ZNF185: variants seen among roughly 807,000 people sequenced by gnomAD.
ZNF185 encodes the protein zinc finger protein 185.
Under a neutral mutation model 58.6 loss-of-function variants are expected in ZNF185, and 56 were observed. That is an observed-to-expected ratio of 0.95 (90% CI 0.77 to 1.19). The LOEUF (loss-of-function observed/expected upper bound fraction) is 1.19, where lower values mean the gene tolerates loss of function less well. Among genes scored for constraint, ZNF185 ranks in the 50% most tolerant of loss-of-function variants. The pLI, the probability that ZNF185 is intolerant of heterozygous loss-of-function variation, is 0.00. For synonymous variants in ZNF185, 230 were observed against 215.9 expected, an observed-to-expected ratio of 1.07 and a Z score of -0.57; for missense variants, 627 against 573.5, an observed-to-expected ratio of 1.09 and a Z score of -0.95.
chrX:152,913,867 A>T (rs782006670), upstream of ZNF185, among the ~76,000 whole-genome samples: 3 of 109,720 alleles, frequency 2.7e-5, no homozygotes, highest in South Asian at 1.2e-3. Flanking sequence ...GAAAGGTAGA[A>T]TTTTTTTTTT....
Position 152,945,407 on chromosome X carries a change from G to A in ZNF185, c.1352G>A (p.Arg451Gln), listed in dbSNP as rs782341123. The A allele has an allele frequency of 1.9e-5, 23 of 1,207,705 alleles. No individual in the cohort carries two copies. Among genetic ancestry groups the A allele is most frequent in the Admixed American group, 1.3e-4 (6 of 45,608 alleles). Reference sequence around the variant, plus strand: ...CCTGCAGATCCCAGCACCCCAGAGCGGCAGAGCAGCCCCAGCGGATCTGAG... The same window carrying A: ...CCTGCAGATCCCAGCACCCCAGAGCAGCAGAGCAGCCCCAGCGGATCTGAG... The change falls in exon 16 of 23, where the codon CGG (arginine) becomes CAG (glutamine). Residue 451 changes from arginine to glutamine, a missense_variant. Physicochemically the swap from Arg to Gln is conservative, Grantham distance 43 (BLOSUM62 1). Transcript: ENST00000449285.
chrX:152,908,722 C>T, the ZNF185 span, among the ~76,000 whole-genome samples: 183 of 113,285 alleles, frequency 1.6e-3, 1 homozygote, highest in Non-Finnish European at 2.7e-3. Flanking sequence ...CACTCGAGGC[C>T]GTCGTGCATG....
exon 17 of ZNF185, chrX:152,959,720 G>T: frequency 8.3e-7 from 1 of 1,211,499 alleles, no homozygotes; most frequent in Non-Finnish European, 1.1e-6. Flanking sequence ...ATTTTGAGGG[G>T]AAGGATGTGG....
intron 15 of ZNF185, chrX:152,941,935 G>A: frequency 9.9e-7 from 1 of 1,008,863 alleles, no homozygotes; most frequent in Non-Finnish European, 1.3e-6. Context: ...GGGCCCCTGC[G>A]GCTTGAGCTT....
intron 14 of ZNF185, chrX:152,936,495 C>T: frequency 1.7e-6 from 2 of 1,166,504 alleles, no homozygotes; most frequent in Non-Finnish European, 2.3e-6. Context: ...TCCTGCAAGC[C>T]TAGACCAGCA....
chrX:152,938,836 G>C (rs368929337), intron 15 of ZNF185, among the ~76,000 whole-genome samples: 3 of 90,877 alleles, frequency 3.3e-5, no homozygotes, highest in Non-Finnish European at 6.9e-5. Context: ...AGCCGCAGCT[G>C]AGATAGAGTG....
intron 15 of ZNF185, among the ~76,000 whole-genome samples, chrX:152,939,851 C>T (rs1439590589): frequency 2.1e-5 from 2 of 95,570 alleles, no homozygotes; most frequent in Non-Finnish European, 4.0e-5. Flanking sequence ...GGCGCAATCT[C>T]GACTCACTGC....
chrX:152,899,454 T>C, the ZNF185 span, among the ~76,000 whole-genome samples: 2 of 112,968 alleles, frequency 1.8e-5, no homozygotes, highest in Non-Finnish European at 3.7e-5. Flanking sequence ...GTTCCCCTCA[T>C]CGCTCCCAGG....
chrX:152,937,262 T>C (rs1185229179), intron 14 of ZNF185, among the ~76,000 whole-genome samples: 1 of 111,750 alleles, frequency 8.9e-6, no homozygotes, highest in African/African-American at 3.3e-5. Flanking sequence ...AAATGAGACA[T>C]GGCTTTACTC....
chrX:152,972,401 G>A (rs923960327), exon 23 of ZNF185: 10 of 110,742 alleles, frequency 9.0e-5, no homozygotes, highest in Non-Finnish European at 1.5e-4. Context: ...GCAAAGAGCA[G>A]AAGGTGTGAA....
chrX:152,903,775 C>T, the ZNF185 span, among the ~76,000 whole-genome samples: 2,076 of 111,517 alleles, frequency 0.019, 44 homozygotes, highest in Middle Eastern at 0.041. Context: ...AGAAAATGGG[C>T]GCATGAAAGC....
chrX:152,900,620 G>C, the ZNF185 span, among the ~76,000 whole-genome samples: 1 of 112,689 alleles, frequency 8.9e-6, no homozygotes, highest in Non-Finnish European at 1.9e-5. Context: ...ATAGTGAACC[G>C]GCTGATGCCA....
chrX:152,922,676 G>A, intron 10 of ZNF185, 44 bp from the exon 12 acceptor site: 1 of 1,123,959 alleles, frequency 8.9e-7, no homozygotes, highest in Non-Finnish European at 1.2e-6. Context: ...CAGGGAGGAG[G>A]CTCTGACATC....
chrX:152,930,381 T>C (rs1941723284), intron 12 of ZNF185, among the ~76,000 whole-genome samples: 1 of 112,220 alleles, frequency 8.9e-6, no homozygotes, highest in Non-Finnish European at 1.9e-5. Flanking sequence ...CCACGTTATA[T>C]GCAGACAGAA....
intron 11 of ZNF185, among the ~76,000 whole-genome samples, chrX:152,926,285 T>C (rs1317256563): frequency 8.0e-5 from 9 of 112,752 alleles, no homozygotes; most frequent in African/African-American, 2.9e-4. Flanking sequence ...TTCCCAAGGC[T>C]GTCCCAAATG....
intron 13 of ZNF185, 88 bp downstream of exon 14, chrX:152,931,864 A>T: frequency 1.2e-6 from 1 of 800,420 alleles, no homozygotes; most frequent in Admixed American, 3.3e-5. Context: ...CCTCCGGTGC[A>T]ATGTCAATGG....
chrX:152,906,996 A>G, the ZNF185 span, among the ~76,000 whole-genome samples: 2,696 of 110,689 alleles, frequency 0.024, 84 homozygotes, highest in African/African-American at 0.082. Context: ...CCTTCTGCAC[A>G]GTTTGGGAGC....
intron 8 of ZNF185, 80 bp from the exon 10 acceptor site, chrX:152,920,627 G>A (rs1939511163): frequency 6.9e-6 from 8 of 1,160,650 alleles, no homozygotes; most frequent in Admixed American, 4.4e-5. Flanking sequence ...GAGGGCCCAG[G>A]ACCCTCTGAG....
the ZNF185 span, among the ~76,000 whole-genome samples, chrX:152,905,129 G>T: frequency 3.3e-3 from 372 of 113,039 alleles, 2 homozygotes; most frequent in African/African-American, 0.011. Flanking sequence ...CCACATCTCT[G>T]ACGGCACCGC....
Sources: allele counts gnomAD v4.1 joint callset (sites outside exome capture counted in the v4.1 genomes callset), GRCh38; gene constraint gnomAD v4.1.1; transcripts MANE v1.5; gene names NCBI Gene and HGNC (gene_info 2026-07-23, HGNC 2026-07-21).